The following ACER3 variants were observed in gnomAD, a reference collection of about 807,000 sequenced individuals.
The protein encoded by ACER3 is alkaline ceramidase 3, also known as alkCDase 3.
Under a neutral mutation model 48.9 loss-of-function variants are expected in ACER3, and 16 were observed. The ratio of observed to expected loss-of-function variants is 0.33; its 90% CI spans 0.22 to 0.50. The LOEUF (loss-of-function observed/expected upper bound fraction) is 0.50, where lower values mean the gene tolerates loss of function less well. ACER3 is among the 20% of genes least tolerant of loss of function. ACER3 has a pLI of 0.98. For synonymous variants in ACER3, 109 were observed against 107.8 expected (o/e 1.01, Z -0.07); for missense variants, 227 against 326.0 (o/e 0.70, Z 2.34).
rs558833139 is a variant in ACER3 at position 76,893,472 on chromosome 11, A to G, written c.103+32393A>G. Among the ~76,000 whole-genome samples the G allele has an allele frequency of 7.2e-5, 11 of 152,358 alleles. No individual in the cohort carries two copies. The South Asian group carries it at 1.0e-3, about 14-fold the overall frequency. Reference sequence around the variant, plus strand: ...AGGCTGTGTGATCTTATATATATTTATACAAACTACTTAATTTTGATTTTC... The same window carrying G: ...AGGCTGTGTGATCTTATATATATTTGTACAAACTACTTAATTTTGATTTTC... On this transcript the variant is annotated intron_variant, in intron 1 of 10. Coordinates refer to ENST00000532485, the MANE Select transcript of ACER3 (RefSeq NM_018367.7).
intron 6 of ACER3, among the ~76,000 whole-genome samples, chr11:76,995,187 GC>G: frequency 6.6e-6 from 1 of 152,096 alleles, no homozygotes; most frequent in East Asian, 1.9e-4. Context: ...CCTTCCACTT[GC>G]CCCTCCTTCA....
intron 4 of ACER3, among the ~76,000 whole-genome samples, chr11:76,985,394 C>T (rs886678101): frequency 2.0e-5 from 3 of 152,186 alleles, no homozygotes; most frequent in African/African-American, 4.8e-5. Context: ...TGAATTGATT[C>T]AGTCTCTCTC....
chr11:77,010,196 T>TAAC (rs1555021858), intron 7 of ACER3, among the ~76,000 whole-genome samples: 5 of 140,640 alleles, frequency 3.6e-5, no homozygotes, highest in African/African-American at 5.1e-5. Flanking sequence ...ATAATAATAA[T>TAAC]AACTAGTTTG....
chr11:76,925,161 C>T (rs1946793842), intron 1 of ACER3, among the ~76,000 whole-genome samples: 1 of 151,964 alleles, frequency 6.6e-6, no homozygotes, highest in Non-Finnish European at 1.5e-5. Context: ...TATACCCATC[C>T]TTATTCATTG....
At chr11:76,969,633 A>G (rs113943882) in intron 3 of ACER3, among the ~76,000 whole-genome samples, 15,984 of 151,760 alleles carry the variant, frequency 0.11, 1,053 homozygotes, top group East Asian at 0.35. Flanking sequence ...GGATGAGTTC[A>G]TGTCCTTTGT....
chr11:77,013,314 T>G (rs1050077207), intron 7 of ACER3, among the ~76,000 whole-genome samples: 1 of 151,810 alleles, frequency 6.6e-6, no homozygotes, highest in Non-Finnish European at 1.5e-5. Context: ...ATTCAGAAAA[T>G]AAAAGGCAAG....
intron 1 of ACER3, among the ~76,000 whole-genome samples, chr11:76,863,854 G>A (rs1945003466): frequency 6.6e-6 from 1 of 152,196 alleles, no homozygotes; most frequent in African/African-American, 2.4e-5. Context: ...TACAGTAAGT[G>A]ATGTAGAGAT....
rs1009427361 is a variant in ACER3 at position 76,893,463 on chromosome 11, T to C, written c.103+32384T>C. Among the ~76,000 whole-genome samples, 9 of 152,236 alleles carry C rather than the reference T, an allele frequency of 5.9e-5. No homozygotes were observed. The East Asian group carries it at 1.7e-3, about 29-fold the overall frequency. On this transcript the variant is annotated intron_variant, in intron 1 of 10. Coordinates refer to ENST00000532485, the MANE Select transcript of ACER3 (RefSeq NM_018367.7). Reference sequence around the variant, plus strand: ...GCCATTTACAGGCTGTGTGATCTTATATATATTTATACAAACTACTTAATT... The same window carrying C: ...GCCATTTACAGGCTGTGTGATCTTACATATATTTATACAAACTACTTAATT...
chr11:77,015,886 C>T (rs782802965), intron 8 of ACER3, among the ~76,000 whole-genome samples: 1 of 152,060 alleles, frequency 6.6e-6, no homozygotes, highest in Non-Finnish European at 1.5e-5. Flanking sequence ...GGGGGCGGAT[C>T]ACTTGAGGTC....
intron 4 of ACER3, among the ~76,000 whole-genome samples, chr11:76,985,007 C>T (rs545034504): frequency 9.9e-5 from 15 of 152,172 alleles, no homozygotes; most frequent in Middle Eastern, 3.2e-3. Flanking sequence ...CACATGGCTT[C>T]GCCTCTTTGT....
intron 1 of ACER3, among the ~76,000 whole-genome samples, chr11:76,879,313 G>A (rs1945465778): frequency 6.6e-6 from 1 of 152,120 alleles, no homozygotes; most frequent in Non-Finnish European, 1.5e-5. Flanking sequence ...GTAAGGTAGG[G>A]ATTGAAGTTT....
chr11:76,996,654 A>G (rs1350872502), intron 6 of ACER3, among the ~76,000 whole-genome samples: 1 of 149,760 alleles, frequency 6.7e-6, no homozygotes, highest in African/African-American at 2.5e-5. Context: ...TCCTAACCTC[A>G]GGTGATCCAC....
chr11:76,871,582 G>T (rs7937883), intron 1 of ACER3, among the ~76,000 whole-genome samples: 87,322 of 151,966 alleles, frequency 0.57, 28,320 homozygotes, highest in Non-Finnish European at 0.74. Flanking sequence ...CAGTATCTGG[G>T]TTAAGATAAG....
At chr11:76,951,111 A>G (rs1947656158) in intron 2 of ACER3, among the ~76,000 whole-genome samples, 1 of 152,194 alleles carries the variant, frequency 6.6e-6, no homozygotes, top group Non-Finnish European at 1.5e-5. Flanking sequence ...TTTATATACT[A>G]AAATCAGAGG....
intron 2 of ACER3, among the ~76,000 whole-genome samples, chr11:76,929,937 T>C (rs1004275507): frequency 6.6e-6 from 1 of 152,106 alleles, no homozygotes; most frequent in African/African-American, 2.4e-5. Flanking sequence ...TCTCTTTTTT[T>C]GTTGTGTCTC....
chr11:76,968,881 G>A (rs1191814169), intron 3 of ACER3, among the ~76,000 whole-genome samples: 3 of 152,158 alleles, frequency 2.0e-5, no homozygotes, highest in South Asian at 4.1e-4. Context: ...ACATAGGCAT[G>A]GGCAAGGACT....
intron 4 of ACER3, among the ~76,000 whole-genome samples, chr11:76,980,396 G>A (rs1948558188): frequency 6.6e-6 from 1 of 152,056 alleles, no homozygotes; most frequent in African/African-American, 2.4e-5. Context: ...AGTGCTAGGA[G>A]CTGGGCATAG....
At chr11:76,953,883 A>G (rs896181461) in intron 2 of ACER3, among the ~76,000 whole-genome samples, 1 of 152,096 alleles carries the variant, frequency 6.6e-6, no homozygotes, top group Non-Finnish European at 1.5e-5. Context: ...TTTTTTAACA[A>G]CTGTACTTTC....
At chr11:76,963,142 G>A (rs538123316) in intron 3 of ACER3, among the ~76,000 whole-genome samples, 29 of 151,342 alleles carry the variant, frequency 1.9e-4, no homozygotes, top group Admixed American at 9.8e-4. Flanking sequence ...TATGATTAGC[G>A]AGCTCCCAGG....
Sources: allele counts gnomAD v4.1 joint callset (sites outside exome capture counted in the v4.1 genomes callset), GRCh38; gene constraint gnomAD v4.1.1; transcripts MANE v1.5; gene names NCBI Gene and HGNC (gene_info 2026-07-23, HGNC 2026-07-21).